Variants in SAXO1 observed in about 807,000 individuals in gnomAD.
SAXO1 encodes 4930500O09Rik.
Under a neutral mutation model 17.5 loss-of-function variants are expected in SAXO1, and 21 were observed. The observed-to-expected ratio is 1.20, with a 90% CI of 0.85 to 1.72. SAXO1 has a LOEUF of 1.72. SAXO1 is among the 40% of genes most tolerant of loss of function. SAXO1 has a pLI of 0.00. For synonymous variants in SAXO1, 274 were observed against 216.5 expected (o/e 1.27, Z -2.33); for missense variants, 843 against 596.0 (o/e 1.41, Z -4.32).
chr9:18,944,692 T>C (rs1358981146), intron 2 of SAXO1, among the ~76,000 whole-genome samples: 1 of 152,212 alleles, frequency 6.6e-6, no homozygotes, highest in Non-Finnish European at 1.5e-5. Flanking sequence ...GGGGAAGTCA[T>C]AACAACTTGA....
At chr9:19,042,457 A>C (rs960201558) in intron 1 of SAXO1, among the ~76,000 whole-genome samples, 1 of 152,236 alleles carries the variant, frequency 6.6e-6, no homozygotes, top group Non-Finnish European at 1.5e-5. Context: ...TACCCAAAAG[A>C]AAGGGAATCA....
chr9:18,968,211 C>T (rs1048471777), intron 1 of SAXO1, among the ~76,000 whole-genome samples: 15 of 152,106 alleles, frequency 9.9e-5, no homozygotes, highest in Non-Finnish European at 1.8e-4. Flanking sequence ...GCCAGTCTTC[C>T]CTTTTTTGTT....
At chr9:18,954,268 A>G (rs963089493) in intron 1 of SAXO1, among the ~76,000 whole-genome samples, 1 of 152,188 alleles carries the variant, frequency 6.6e-6, no homozygotes, top group Non-Finnish European at 1.5e-5. Context: ...ATAATTAACA[A>G]TACTTGATTC....
intron 1 of SAXO1, among the ~76,000 whole-genome samples, chr9:18,985,247 T>G (rs1370119465): frequency 1.3e-5 from 2 of 151,870 alleles, no homozygotes; most frequent in African/African-American, 4.8e-5. Context: ...AATAGTAACA[T>G]CAAAGGTTAA....
chr9:19,019,863 T>C (rs1302226153), intron 1 of SAXO1, among the ~76,000 whole-genome samples: 1 of 152,180 alleles, frequency 6.6e-6, no homozygotes. Context: ...TTCCACATTC[T>C]GAACAACCCA....
intron 1 of SAXO1, among the ~76,000 whole-genome samples, chr9:19,029,632 A>G (rs974817524): frequency 2.6e-5 from 4 of 152,216 alleles, no homozygotes; most frequent in Non-Finnish European, 5.9e-5. Flanking sequence ...ATGAGACTCA[A>G]GATCAGTGTT....
At chr9:19,027,416 A>G in intron 1 of SAXO1, 1 of 757,418 alleles carries the variant, frequency 1.3e-6, no homozygotes, top group Non-Finnish European at 2.4e-6. Flanking sequence ...GGGGGCTTGG[A>G]CAAGCAGATC....
intron 1 of SAXO1, among the ~76,000 whole-genome samples, chr9:18,974,620 A>G (rs1258975807): frequency 1.3e-5 from 2 of 152,254 alleles, no homozygotes; most frequent in Non-Finnish European, 2.9e-5. Context: ...CAAACAGGGA[A>G]TAATTTGAGT....
upstream of SAXO1, among the ~76,000 whole-genome samples, chr9:19,038,111 G>C (rs1835986825): frequency 6.6e-6 from 1 of 152,158 alleles, no homozygotes; most frequent in South Asian, 2.1e-4. Context: ...GAAACAACAG[G>C]TGCCGGAGAG....
chr9:19,027,147 A>G, intron 1 of SAXO1: 1 of 1,104,860 alleles, frequency 9.1e-7, no homozygotes, highest in Non-Finnish European at 1.4e-6. Flanking sequence ...TGTTGATCCC[A>G]ATGATCAAGA....
Position 18,927,678 on chromosome 9 carries a change from T to A in SAXO1, c.*374A>T, listed in dbSNP as rs776398393. On this transcript the variant is annotated 3_prime_UTR_variant, in exon 4 of 4. Coordinates refer to ENST00000380534, the MANE Select transcript of SAXO1 (RefSeq NM_153707.4). Reference sequence around the variant, plus strand: ...AGATTCATTCCCCCCAAAATAAAATTTATTCTTTGGCGCTTCATACTTGGC... The same window carrying A: ...AGATTCATTCCCCCCAAAATAAAATATATTCTTTGGCGCTTCATACTTGGC... 3 of 171,406 alleles carry A rather than the reference T, an allele frequency of 1.8e-5. No individual in the cohort carries two copies. Among genetic ancestry groups the A allele is most frequent in the Non-Finnish European group, 2.5e-5 (2 of 80,578 alleles). The allele number at this position is 171,406 out of a possible 1,614,324, so 10.6% of individuals were successfully genotyped here.
At chr9:18,993,038 G>T (rs1285936709) in intron 1 of SAXO1, among the ~76,000 whole-genome samples, 1 of 152,024 alleles carries the variant, frequency 6.6e-6, no homozygotes, top group Admixed American at 6.6e-5. Context: ...AGCCTCAGGT[G>T]ATCTGCCCAC....
chr9:18,971,900 C>T (rs1176039525), intron 1 of SAXO1, among the ~76,000 whole-genome samples: 1 of 150,272 alleles, frequency 6.7e-6, no homozygotes, highest in Non-Finnish European at 1.5e-5. Context: ...AGGTAACCCA[C>T]TCTCACCCCC....
rs771812478 is a variant in SAXO1, at chr9:18,934,154, T to A, written c.422-5099A>T. On this transcript the variant is annotated intron_variant, in intron 3 of 3. Transcript: ENST00000380534. The stretch of plus-strand genomic sequence containing the variant: ...TTTTTGGCTTTCAACAATTTGACTA[T>A]GTTATGAATAGATGTGGATCTCTTT... 4.6e-5 allele frequency among the ~76,000 whole-genome samples: 7 copies of A among 152,254 alleles called. No individual in the cohort carries two copies. The South Asian group carries it at 1.0e-3, about 23-fold the overall frequency.
intron 1 of SAXO1, among the ~76,000 whole-genome samples, chr9:19,018,687 A>G (rs1469222896): frequency 3.3e-5 from 5 of 152,260 alleles, no homozygotes; most frequent in African/African-American, 1.2e-4. Flanking sequence ...TACAGTACCC[A>G]AAAGTTATCC....
At chr9:18,949,600 C>T (rs1831938812) in intron 2 of SAXO1, among the ~76,000 whole-genome samples, 1 of 152,188 alleles carries the variant, frequency 6.6e-6, no homozygotes, top group Non-Finnish European at 1.5e-5. Context: ...TGTGGGTGCT[C>T]CTGCCCCATT....
intron 1 of SAXO1, among the ~76,000 whole-genome samples, chr9:18,962,980 G>A (rs895854097): frequency 2.0e-5 from 3 of 152,190 alleles, no homozygotes; most frequent in Non-Finnish European, 4.4e-5. Flanking sequence ...TTTGTATAAA[G>A]TGTAAGGAAG....
At chr9:18,966,261 A>G (rs1438953331) in intron 1 of SAXO1, among the ~76,000 whole-genome samples, 2 of 152,008 alleles carry the variant, frequency 1.3e-5, no homozygotes, top group Non-Finnish European at 2.9e-5. Context: ...TGTTCTCTGT[A>G]TTTCCTGAAT....
At chr9:18,991,536 A>G (rs1415343257) in intron 1 of SAXO1, among the ~76,000 whole-genome samples, 1 of 152,072 alleles carries the variant, frequency 6.6e-6, no homozygotes, top group Non-Finnish European at 1.5e-5. Context: ...TAGACACAGG[A>G]CAGGGAACAT....
Sources: gnomAD v4.1 joint callset for allele counts (sites outside exome capture counted in the v4.1 genomes callset) on GRCh38, gnomAD v4.1.1 for gene constraint, MANE v1.5 for transcripts, NCBI Gene and HGNC (gene_info 2026-07-23, HGNC 2026-07-21) for gene names.